PTPRT: variants seen among roughly 807,000 people sequenced by gnomAD.
PTPRT encodes protein tyrosine phosphatase receptor type T.
A neutral mutation model predicts 176.8 loss-of-function variants in PTPRT; 56 were observed. The observed-to-expected ratio is 0.32, with a 90% CI of 0.26 to 0.40. The LOEUF (loss-of-function observed/expected upper bound fraction) is 0.40, where lower values mean the gene tolerates loss of function less well. Ranked by LOEUF, PTPRT falls within the 10% of genes least tolerant of loss-of-function variation. PTPRT has a pLI of 1.00. For synonymous variants in PTPRT, 783 were observed against 739.0 expected, an observed-to-expected ratio of 1.06 and a Z score of -0.96; for missense variants, 1,540 against 1,908.2, an observed-to-expected ratio of 0.81 and a Z score of 3.60.
intron 28 of PTPRT, 144 bp downstream of exon 28, chr20:42,085,584 A>G (rs1445518480): frequency 1.6e-6 from 2 of 1,255,098 alleles, no homozygotes; most frequent in East Asian, 2.4e-5. Flanking sequence ...AGCCGGAATC[A>G]GCACAGGCAT....
chr20:42,409,387 C>G (rs2145730673), intron 9 of PTPRT, among the ~76,000 whole-genome samples: 1 of 145,934 alleles, frequency 6.9e-6, no homozygotes, highest in South Asian at 2.2e-4. Flanking sequence ...GAGGCTGAGG[C>G]AGAATAATTG....
chr20:42,854,844 A>G (rs904927223), intron 2 of PTPRT, among the ~76,000 whole-genome samples: 9 of 152,248 alleles, frequency 5.9e-5, no homozygotes, highest in African/African-American at 2.2e-4. Flanking sequence ...TAGATCAGTT[A>G]TACCAGCACC....
chr20:42,085,645 T>G, intron 28 of PTPRT, 83 bp downstream of exon 28: 1 of 1,565,148 alleles, frequency 6.4e-7, no homozygotes, highest in East Asian at 2.2e-5. Flanking sequence ...GACTCTTGGC[T>G]GGCTCAGCGG....
chr20:42,677,314 G>C (rs1337915691), intron 7 of PTPRT, among the ~76,000 whole-genome samples: 1 of 152,002 alleles, frequency 6.6e-6, no homozygotes. Context: ...ACTCATTAAA[G>C]ATACAACCAA....
intron 2 of PTPRT, among the ~76,000 whole-genome samples, chr20:42,835,609 A>T (rs1360787292): frequency 6.6e-6 from 1 of 152,246 alleles, no homozygotes; most frequent in Non-Finnish European, 1.5e-5. Flanking sequence ...AGCATACATT[A>T]CTTTTAAAAC....
chr20:42,312,806 T>TTCC (rs1334682805), intron 12 of PTPRT, among the ~76,000 whole-genome samples: 3 of 71,506 alleles, frequency 4.2e-5, no homozygotes, highest in Admixed American at 1.2e-4. Flanking sequence ...GAGATCCTTT[T>TTCC]TTTTTTTTTT....
At chr20:42,184,794 AT>A (rs113419816) in intron 16 of PTPRT, among the ~76,000 whole-genome samples, 2,967 of 139,724 alleles carry the variant, frequency 0.021, 108 homozygotes, top group African/African-American at 0.074. Flanking sequence ...CACCCGGCTA[AT>A]TTTTTTTTTT....
At chr20:42,247,762 A>C (rs2056479670) in intron 14 of PTPRT, among the ~76,000 whole-genome samples, 2 of 152,214 alleles carry the variant, frequency 1.3e-5, no homozygotes, top group Admixed American at 1.3e-4. Context: ...CCTGGCATTG[A>C]AACTGAGAAG....
intron 1 of PTPRT, among the ~76,000 whole-genome samples, chr20:43,132,740 G>A (rs1322379048): frequency 6.6e-6 from 1 of 152,112 alleles, no homozygotes; most frequent in Non-Finnish European, 1.5e-5. Context: ...ACTAGACACA[G>A]GCCAATATGG....
At chr20:42,504,525 T>C (rs2071810667) in intron 7 of PTPRT, among the ~76,000 whole-genome samples, 1 of 152,176 alleles carries the variant, frequency 6.6e-6, no homozygotes, top group South Asian at 2.1e-4. Flanking sequence ...ATCATTTTGC[T>C]TTCAGTCTAA....
At chr20:42,475,444 T>C (rs1198818959) in intron 7 of PTPRT, among the ~76,000 whole-genome samples, 3 of 152,130 alleles carry the variant, frequency 2.0e-5, no homozygotes, top group African/African-American at 7.2e-5. Flanking sequence ...ACAAAATAAT[T>C]GGCCTAAAGC....
chr20:42,277,053 G>A (rs73120035), intron 13 of PTPRT, among the ~76,000 whole-genome samples: 4,347 of 152,178 alleles, frequency 0.029, 99 homozygotes, highest in Middle Eastern at 0.071. Context: ...AAAAGCCAGC[G>A]CCCAAACCTC....
chr20:42,366,448 C>T (rs1202214535), intron 9 of PTPRT, among the ~76,000 whole-genome samples: 1 of 152,236 alleles, frequency 6.6e-6, no homozygotes, highest in African/African-American at 2.4e-5. Flanking sequence ...CATCTCGTGG[C>T]TTCCCACTGG....
chr20:42,670,637 G>A (rs970428512), intron 7 of PTPRT, among the ~76,000 whole-genome samples: 1 of 152,204 alleles, frequency 6.6e-6, no homozygotes, highest in Non-Finnish European at 1.5e-5. Flanking sequence ...AACAGCGTAT[G>A]TGGTGTCTCT....
intron 9 of PTPRT, among the ~76,000 whole-genome samples, chr20:42,358,796 T>C (rs1432550800): frequency 6.6e-6 from 1 of 152,236 alleles, no homozygotes; most frequent in Non-Finnish European, 1.5e-5. Context: ...CCCAGTCATA[T>C]TCTTCCTGGC....
At chr20:42,727,341 C>A (rs772138205) in intron 6 of PTPRT, among the ~76,000 whole-genome samples, 1 of 152,124 alleles carries the variant, frequency 6.6e-6, no homozygotes, top group African/African-American at 2.4e-5. Flanking sequence ...CACTGTGAGG[C>A]CAAATAAGAT....
chr20:42,883,708 C>CCCCACACACA lies in PTPRT; in HGVS notation c.214+2098_214+2099insTGTGTGTGGG, dbSNP rs1568658140. Among the ~76,000 whole-genome samples, 17 of 128,746 alleles carry CCCCACACACA rather than the reference C, an allele frequency of 1.3e-4. 1 individual carries two copies. Among genetic ancestry groups the CCCCACACACA allele is most frequent in the African/African-American group, 2.9e-4 (10 of 34,964 alleles). 84.5% of individuals were successfully genotyped at this position (128,746 alleles called of 152,430 possible). ...ACACACACACACCTCCCATACACCC[C>CCCCACACACA]CATACACACACACCCATACACCCCC... is the stretch of plus-strand genomic sequence containing the variant. On this transcript the variant is annotated intron_variant, in intron 2 of 30. Coordinates refer to ENST00000373187, the MANE Select transcript of PTPRT (RefSeq NM_007050.6).
At chr20:42,339,463 C>T (rs1247374298) in intron 11 of PTPRT, among the ~76,000 whole-genome samples, 1 of 152,172 alleles carries the variant, frequency 6.6e-6, no homozygotes, top group African/African-American at 2.4e-5. Flanking sequence ...GCTGTAAACT[C>T]AACAGGGGCA....
intron 6 of PTPRT, among the ~76,000 whole-genome samples, chr20:42,708,341 G>A (rs2076092427): frequency 6.6e-6 from 1 of 152,098 alleles, no homozygotes; most frequent in South Asian, 2.1e-4. Flanking sequence ...ACTCTAATAG[G>A]AAGCATGGTG....
Sources: gnomAD v4.1 joint callset for allele counts (sites outside exome capture counted in the v4.1 genomes callset) on GRCh38, gnomAD v4.1.1 for gene constraint, MANE v1.5 for transcripts, NCBI Gene and HGNC (gene_info 2026-07-23, HGNC 2026-07-21) for gene names.